SMG1: variants seen among roughly 807,000 people sequenced by gnomAD.
The protein encoded by SMG1 is SMG1 nonsense mediated mRNA decay associated PI3K related kinase.
A neutral mutation model predicts 419.9 loss-of-function variants in SMG1; 22 were observed. The ratio of observed to expected loss-of-function variants is 0.05; its 90% CI spans 0.04 to 0.07. The LOEUF is 0.07. SMG1 is among the 10% of genes least tolerant of loss of function. SMG1 has a pLI of 1.00. For missense variants in SMG1, 3,185 were observed against 4,342.0 expected, an observed-to-expected ratio of 0.73 and a Z score of 7.49; for synonymous variants, 1,538 against 1,553.5, an observed-to-expected ratio of 0.99 and a Z score of 0.23.
chr16:18,874,611 A>G (rs1335787226), intron 13 of SMG1, among the ~76,000 whole-genome samples: 2 of 148,066 alleles, frequency 1.4e-5, no homozygotes, highest in Non-Finnish European at 3.0e-5. Context: ...CACGCCTGTA[A>G]TTCCAGCACT....
intron 1 of SMG1, among the ~76,000 whole-genome samples, chr16:18,922,203 T>C (rs990457152): frequency 6.6e-6 from 1 of 152,220 alleles, no homozygotes; most frequent in African/African-American, 2.4e-5. Flanking sequence ...TCTGTCTTGA[T>C]TGATACTAGA....
chr16:18,834,314 C>T lies in SMG1; in HGVS notation c.8455G>A (p.Val2819Ile), dbSNP rs2141245003. Residue 2819 changes from valine to isoleucine, a missense_variant, in exon 50 of 63, where the codon GTT becomes ATT. Val to Ile is a conservative substitution (Grantham distance 29, BLOSUM62 3). Coordinates refer to ENST00000446231, the MANE Select transcript of SMG1 (RefSeq NM_015092.5). ...AGGTGGCACTGCTTCAGTAACTGAA[C>T]CAAGCAGGTGACGTTTCCGCTCATA... is the stretch of plus-strand genomic sequence containing the variant. Reference protein sequence around the residue: ...CSMSGNVTCLVQLLKQCHLVP... With the variant: ...CSMSGNVTCLIQLLKQCHLVP... The T allele has an allele frequency of 6.2e-7, 1 of 1,613,114 alleles. No individual in the cohort carries two copies. The highest frequency in any genetic ancestry group is 8.5e-7 in the Non-Finnish European group (1 of 1,179,546).
intron 41 of SMG1, 29 bp from the exon 42 acceptor site, chr16:18,839,975 G>A (rs1353256213): frequency 1.3e-6 from 2 of 1,499,350 alleles, no homozygotes; most frequent in Middle Eastern, 1.7e-4. Flanking sequence ...TTTTAAAAAA[G>A]AAAAGATCAA....
At chr16:18,891,653 C>T (rs1222671093) in intron 4 of SMG1, among the ~76,000 whole-genome samples, 2 of 152,112 alleles carry the variant, frequency 1.3e-5, no homozygotes, top group African/African-American at 2.4e-5. Context: ...AGGCTGGTAT[C>T]GAACTCCTGA....
At chr16:18,809,673 A>G (rs746821861) in intron 62 of SMG1, 27 bp from the exon 63 acceptor site, 5 of 1,517,058 alleles carry the variant, frequency 3.3e-6, no homozygotes, top group Non-Finnish European at 4.5e-6. Context: ...GATAGTATGT[A>G]AAGTCATTTA....
intron 57 of SMG1, among the ~76,000 whole-genome samples, chr16:18,816,815 T>C (rs909071309): frequency 1.3e-5 from 2 of 152,106 alleles, no homozygotes; most frequent in African/African-American, 4.8e-5. Context: ...GCAATCCAGG[T>C]CCCTAAATTC....
intron 10 of SMG1, among the ~76,000 whole-genome samples, chr16:18,881,151 A>T (rs1005146456): frequency 7.3e-5 from 11 of 151,520 alleles, no homozygotes; most frequent in Non-Finnish European, 1.6e-4. Flanking sequence ...AATTTAAAAA[A>T]AAAAAACCAC....
At chr16:18,874,864 CTCAAA>C (rs1453875974) in intron 13 of SMG1, among the ~76,000 whole-genome samples, 1 of 27,528 alleles carries the variant, frequency 3.6e-5, no homozygotes, top group Non-Finnish European at 5.8e-5. Context: ...ATGACTCTGT[CTCAAA>C]AAAAAAAAAA....
At chr16:18,810,461 G>A (rs1231066568) in intron 62 of SMG1, among the ~76,000 whole-genome samples, 4 of 152,184 alleles carry the variant, frequency 2.6e-5, no homozygotes, top group Non-Finnish European at 5.9e-5. Flanking sequence ...TCAAGAAGTA[G>A]GACAAGGATG....
At chr16:18,845,839 CAG>C (rs369547076) in intron 38 of SMG1, among the ~76,000 whole-genome samples, 188 bp from the exon 39 acceptor site, 34 of 151,682 alleles carry the variant, frequency 2.2e-4, no homozygotes, top group African/African-American at 8.2e-4. Flanking sequence ...TTTTTGGAGA[CAG>C]AGTTTTGCTC....
At position 18,828,046 on chromosome 16, in the gene SMG1, A is replaced by C. The variant is rs2032877152; in HGVS notation, c.9726T>G (p.Ser3242=). 6.2e-7 allele frequency: 1 copy of C among 1,612,568 alleles called. No individual in the cohort carries two copies. Among genetic ancestry groups the C allele is most frequent in the African/African-American group, 1.3e-5 (1 of 75,000 alleles). The change falls in exon 55 of 63, where the codon TCT becomes TCG. Residue 3242 remains serine (S), a synonymous_variant. Transcript: ENST00000446231. The part of the protein sequence containing the change: ...KLHTLSQIET[S]IATVQEKLAA... ...CAAAACACACCTGAACTGTTGCAAT[A>C]GAAGTTTCAATCTGGCTCAGGGTAT...
At chr16:18,871,269 G>A in intron 16 of SMG1, 95 bp downstream of exon 16, 1 of 599,570 alleles carries the variant, frequency 1.7e-6, no homozygotes, top group Non-Finnish European at 2.9e-6. Flanking sequence ...CTTCAGGTCA[G>A]GAAAACAGCT....
Position 18,842,186 on chromosome 16 carries a change from T to C in SMG1, c.6466+22A>G, listed in dbSNP as rs775315142. 4 of 1,598,228 alleles carry C rather than the reference T, an allele frequency of 2.5e-6. No individual in the cohort carries two copies. In the African/African-American group the frequency reaches 5.4e-5, roughly 21 times the overall value. The stretch of plus-strand genomic sequence containing the variant: ...GTAAGACTAATACTCTTCTGAAAAA[T>C]GGAGGAAGTCTTAAATCCTACCTTT... On this transcript the variant is annotated intron_variant, in intron 40 of 62. Transcript: ENST00000446231.
rs956471627 is a variant in SMG1, at chr16:18,842,590, C to T, written c.6220-136G>A. 4.8e-5 allele frequency: 38 copies of T among 785,906 alleles called. No homozygotes were observed. The African/African-American group carries it at 5.1e-4, about 10-fold the overall frequency. 48.7% of individuals were successfully genotyped at this position (785,906 alleles called of 1,614,324 possible). On this transcript the variant is annotated intron_variant, in intron 39 of 62. Transcript: ENST00000446231. ...CTGTAATCCCAGCACTTTGGGAGGC[C>T]GAGGTAGGCAGATCACTTGAGTTCA...
intron 1 of SMG1, among the ~76,000 whole-genome samples, chr16:18,905,894 G>A (rs1432852573): frequency 2.0e-5 from 3 of 152,092 alleles, no homozygotes; most frequent in Non-Finnish European, 4.4e-5. Context: ...TTACAGGCGT[G>A]AGGCAACATG....
At chr16:18,886,516 T>C (rs1407504274) in intron 6 of SMG1, among the ~76,000 whole-genome samples, 1 of 152,180 alleles carries the variant, frequency 6.6e-6, no homozygotes, top group African/African-American at 2.4e-5. Flanking sequence ...AAAACCATCA[T>C]TTTAGGCTGG....
intron 55 of SMG1, among the ~76,000 whole-genome samples, chr16:18,821,217 G>GTTTTTTTTTTTTTT: frequency 3.2e-5 from 1 of 31,734 alleles, no homozygotes; most frequent in African/African-American, 1.1e-4. Context: ...TATTTAGTAT[G>GTTTTTTTTTTTTTT]TTTCTTTTTT....
chr16:18,830,047 T>C lies in SMG1; in HGVS notation c.9012A>G (p.Gln3004=). ...IDIIREARST[Q]VNFFDDDNHR... The stretch of plus-strand genomic sequence containing the variant: ...GATTATCATCATCAAAAAAATTAAC[T>C]TGAGTACTCCTGGCTTCCCTTATGA... The change falls in exon 53 of 63, where the codon CAA becomes CAG. Residue 3004 remains glutamine (Q), a synonymous_variant. Coordinates refer to ENST00000446231, the MANE Select transcript of SMG1 (RefSeq NM_015092.5). 1.2e-6 allele frequency: 2 copies of C among 1,602,208 alleles called. No homozygotes were observed. The highest frequency in any genetic ancestry group is 1.7e-6 in the Non-Finnish European group (2 of 1,173,578).
Position 18,833,097 on chromosome 16 carries a change from T to C in SMG1, c.8635A>G (p.Thr2879Ala). The change falls in exon 51 of 63, where the codon ACG (threonine) becomes GCG (alanine). Residue 2879 changes from threonine (T) to alanine (A), a missense_variant. Physicochemically the swap from Thr to Ala is moderately conservative, Grantham distance 58 (BLOSUM62 0). This residue lies in a region of SMG1 where 412 missense variants were observed against 546.6 expected (regional missense o/e 0.75). Coordinates refer to ENST00000446231, the MANE Select transcript of SMG1 (RefSeq NM_015092.5). Reference protein sequence around the residue: ...ALRCLMKGEYTLESMLHELDG... With the variant: ...ALRCLMKGEYALESMLHELDG... ...AGTTCATGCAGCATACTTTCTAACG[T>C]GTATTCCCCTTTCATTAAACATCGA... 1 of 1,614,026 alleles carries C rather than the reference T, an allele frequency of 6.2e-7. No individual in the cohort carries two copies. Among genetic ancestry groups the C allele is most frequent in the Non-Finnish European group, 8.5e-7 (1 of 1,179,876 alleles).
Sources: gnomAD v4.1 joint callset for allele counts (sites outside exome capture counted in the v4.1 genomes callset) on GRCh38, gnomAD v4.1.1 for gene constraint, gnomAD v4.1.1 regional missense constraint, MANE v1.5 for transcripts, NCBI Gene and HGNC (gene_info 2026-07-23, HGNC 2026-07-21) for gene names.